SNAP91: variants seen among roughly 807,000 people sequenced by gnomAD.
The protein encoded by SNAP91 is clathrin coat assembly protein AP180.
Under a neutral mutation model 100.3 loss-of-function variants are expected in SNAP91, and 27 were observed. The observed-to-expected ratio is 0.27, with a 90% confidence interval of 0.20 to 0.37. The LOEUF (loss-of-function observed/expected upper bound fraction) is 0.37, where lower values mean the gene tolerates loss of function less well. Among genes scored for constraint, SNAP91 ranks in the 10% least tolerant of loss-of-function variants. SNAP91 has a pLI of 1.00. For missense variants in SNAP91, 986 were observed against 1,123.7 expected (o/e 0.88, Z 1.75); for synonymous variants, 404 against 398.6 (o/e 1.01, Z -0.16).
At chr6:83,577,350 G>A (rs1028794836) in intron 24 of SNAP91, among the ~76,000 whole-genome samples, 1 of 151,986 alleles carries the variant, frequency 6.6e-6, no homozygotes, top group African/African-American at 2.4e-5. Flanking sequence ...CATAATTTTA[G>A]TTTTTTTAAA....
chr6:83,667,949 T>C (rs1453173207), intron 2 of SNAP91, among the ~76,000 whole-genome samples: 1 of 151,994 alleles, frequency 6.6e-6, no homozygotes, highest in African/African-American at 2.4e-5. Flanking sequence ...AGGGCTAATA[T>C]CCAGAATCTA....
chr6:83,674,141 T>C (rs2098827157), intron 2 of SNAP91, among the ~76,000 whole-genome samples: 1 of 151,936 alleles, frequency 6.6e-6, no homozygotes, highest in South Asian at 2.1e-4. Flanking sequence ...AGAAAGACAG[T>C]AGGCCAGTTG....
intron 2 of SNAP91, among the ~76,000 whole-genome samples, chr6:83,691,665 C>T (rs562553421): frequency 6.6e-6 from 1 of 152,250 alleles, no homozygotes; most frequent in East Asian, 1.9e-4. Context: ...ACGAAGAACC[C>T]AGGCCCAATA....
chr6:83,664,892 G>A (rs576217883), intron 3 of SNAP91, among the ~76,000 whole-genome samples: 5 of 152,132 alleles, frequency 3.3e-5, no homozygotes, highest in Admixed American at 1.3e-4. Context: ...AGAGACTTCT[G>A]CAATTACTTC....
At chr6:83,680,879 G>A (rs2098979392) in intron 2 of SNAP91, among the ~76,000 whole-genome samples, 1 of 152,144 alleles carries the variant, frequency 6.6e-6, no homozygotes. Flanking sequence ...GGAGATCTCA[G>A]GGATTGAAGT....
At chr6:83,610,419 A>G (rs1328236218) in intron 12 of SNAP91, among the ~76,000 whole-genome samples, 1 of 151,648 alleles carries the variant, frequency 6.6e-6, no homozygotes, top group African/African-American at 2.4e-5. Flanking sequence ...TCATAGAGAC[A>G]GAAAGTAGAA....
intron 8 of SNAP91, among the ~76,000 whole-genome samples, chr6:83,628,556 G>A (rs1164519620): frequency 6.6e-6 from 1 of 150,694 alleles, no homozygotes; most frequent in African/African-American, 2.4e-5. Context: ...TTTTGATTAT[G>A]GCCATTCTTG....
At position 83,678,885 on chromosome 6, in the gene SNAP91, A is replaced by G. The variant is rs117748558; in HGVS notation, c.131-13304T>C. On this transcript the variant is annotated intron_variant, in intron 2 of 29. Transcript: ENST00000369694. ...ACCAAGGAATACAACTTTAGTTCTC[A>G]GTACATCATTTTACTTTACTGCAGG... is the stretch of plus-strand genomic sequence containing the variant. 7.7e-3 allele frequency: 9,009 copies of G among 1,174,240 alleles called. 45 individuals are homozygous for G. Among genetic ancestry groups the G allele is most frequent in the Non-Finnish European group, 8.9e-3 (8,309 of 934,496 alleles). 72.7% of individuals were successfully genotyped at this position (1,174,240 alleles called of 1,614,324 possible).
intron 11 of SNAP91, among the ~76,000 whole-genome samples, chr6:83,614,400 G>C (rs563231181): frequency 6.6e-6 from 1 of 152,228 alleles, no homozygotes; most frequent in East Asian, 1.9e-4. Context: ...CTTCATAGCA[G>C]ACATTTGCAA....
At chr6:83,633,096 C>A (rs901990675) in intron 8 of SNAP91, among the ~76,000 whole-genome samples, 10 of 152,124 alleles carry the variant, frequency 6.6e-5, no homozygotes, top group Admixed American at 4.6e-4. Context: ...TAGTACTCTC[C>A]CCCTTTTCCT....
chr6:83,593,773 C>T (rs371917600), intron 17 of SNAP91, 32 bp from the exon 18 acceptor site: 377 of 1,530,984 alleles, frequency 2.5e-4, no homozygotes, highest in Admixed American at 9.4e-4. Context: ...ACACACACAG[C>T]ATCAGTAAGG....
At chr6:83,631,748 C>T (rs978497732) in intron 8 of SNAP91, among the ~76,000 whole-genome samples, 4 of 151,974 alleles carry the variant, frequency 2.6e-5, no homozygotes, top group Non-Finnish European at 5.9e-5. Flanking sequence ...GTGAGTCTCT[C>T]GAAGGCAGCA....
chr6:83,556,019 A>ACACT, intron 29 of SNAP91, 124 bp downstream of exon 29: 1 of 427,922 alleles, frequency 2.3e-6, no homozygotes, highest in Non-Finnish European at 4.2e-6. Context: ...AAAAGTATAA[A>ACACT]CACTCAAATT....
intron 8 of SNAP91, among the ~76,000 whole-genome samples, chr6:83,636,409 G>A (rs996467957): frequency 6.6e-6 from 1 of 151,924 alleles, no homozygotes; most frequent in Non-Finnish European, 1.5e-5. Flanking sequence ...TGATTCAAAG[G>A]ACTCGTCTTC....
At chr6:83,695,074 C>A (rs936312983) in intron 2 of SNAP91, among the ~76,000 whole-genome samples, 7 of 151,758 alleles carry the variant, frequency 4.6e-5, no homozygotes, top group African/African-American at 1.7e-4. Context: ...GAATTTGAGA[C>A]CAGCCTGACC....
At chr6:83,563,388 A>G (rs552466049) in intron 26 of SNAP91, among the ~76,000 whole-genome samples, 1 of 152,306 alleles carries the variant, frequency 6.6e-6, no homozygotes, top group African/African-American at 2.4e-5. Context: ...CCTCAACCCA[A>G]TAAAGGGTAT....
At chr6:83,644,020 A>G (rs2097819515) in intron 7 of SNAP91, among the ~76,000 whole-genome samples, 2 of 152,200 alleles carry the variant, frequency 1.3e-5, no homozygotes, top group Admixed American at 1.3e-4. Context: ...CTGGCAAAAC[A>G]TACTTTTTGT....
At chr6:83,646,694 C>T (rs1327911928) in intron 7 of SNAP91, among the ~76,000 whole-genome samples, 1 of 152,056 alleles carries the variant, frequency 6.6e-6, no homozygotes, top group Non-Finnish European at 1.5e-5. Flanking sequence ...GGGTCTTTTA[C>T]CTGATTAGAA....
At chr6:83,633,553 G>A (rs1562437899) in intron 8 of SNAP91, among the ~76,000 whole-genome samples, 2 of 152,058 alleles carry the variant, frequency 1.3e-5, no homozygotes, top group Admixed American at 1.3e-4. Flanking sequence ...GTCTTGCTGC[G>A]GCTGCTGTGG....
Sources: gnomAD v4.1 joint callset for allele counts (sites outside exome capture counted in the v4.1 genomes callset) on GRCh38, gnomAD v4.1.1 for gene constraint, MANE v1.5 for transcripts, NCBI Gene and HGNC (gene_info 2026-07-23, HGNC 2026-07-21) for gene names.